The following ZBTB7A variants were observed in gnomAD, a reference collection of about 807,000 sequenced individuals.
The protein encoded by ZBTB7A is zinc finger and BTB domain-containing protein 7A.
In ZBTB7A, 7 loss-of-function variants were observed where a neutral mutation model predicts 26.7. That is an observed-to-expected ratio of 0.26 (90% CI 0.15 to 0.49). The LOEUF is 0.49. Ranked by LOEUF, ZBTB7A falls within the 20% of genes least tolerant of loss-of-function variation. The pLI, the probability that ZBTB7A is intolerant of heterozygous loss-of-function variation, is 0.98. For missense variants in ZBTB7A, 617 were observed against 919.5 expected, an observed-to-expected ratio of 0.67 and a Z score of 4.25; for synonymous variants, 452 against 441.0, an observed-to-expected ratio of 1.02 and a Z score of -0.31.
At chr19:4,056,601 G>C (rs1196968975) in intron 1 of ZBTB7A, among the ~76,000 whole-genome samples, 2 of 152,156 alleles carry the variant, frequency 1.3e-5, no homozygotes. Context: ...TGGGTGTGGT[G>C]GCTCACACCT....
Position 4,047,702 on chromosome 19 carries a change from T to G in ZBTB7A, c.*50A>C, listed in dbSNP as rs2144971426. The G allele has an allele frequency of 6.5e-7, 1 of 1,541,128 alleles. No individual in the cohort carries two copies. The highest frequency in any genetic ancestry group is 2.4e-5 in the East Asian group (1 of 42,042). On this transcript the variant is annotated 3_prime_UTR_variant, in exon 3 of 3. Coordinates refer to ENST00000322357, the MANE Select transcript of ZBTB7A (RefSeq NM_015898.4). ...GGGGGGTGGTGGGTGATTTTTTTTC[T>G]CTCTCTCTGTCTCTCTCTTTCTCGG...
At chr19:4,066,646 A>C (rs1413792989) in intron 1 of ZBTB7A, 36 bp downstream of exon 1, 4 of 150,856 alleles carry the variant, frequency 2.7e-5, no homozygotes, top group Non-Finnish European at 5.9e-5. Context: ...CCCGCCCTGC[A>C]CCCCGTGCCG....
chr19:4,049,542 C>G (rs1032143458), intron 2 of ZBTB7A, among the ~76,000 whole-genome samples: 1 of 152,104 alleles, frequency 6.6e-6, no homozygotes, highest in African/African-American at 2.4e-5. Flanking sequence ...CCTGCCCTCT[C>G]GAGGCTGGCG....
At chr19:4,063,935 T>G (rs775650995) in intron 1 of ZBTB7A, among the ~76,000 whole-genome samples, 1 of 152,142 alleles carries the variant, frequency 6.6e-6, no homozygotes, top group South Asian at 2.1e-4. Context: ...CCTCCTCATA[T>G]GGCAACGGGG....
At chr19:4,065,872 CCCCGGCGAGGGGAG>C (rs2040690948) in intron 1 of ZBTB7A, 1 of 143,794 alleles carries the variant, frequency 7.0e-6, no homozygotes, top group African/African-American at 2.5e-5. Flanking sequence ...CGCCACCGGC[CCCCGGCGAGGGGAG>C]CCCGGCTCCA....
intron 1 of ZBTB7A, among the ~76,000 whole-genome samples, chr19:4,056,757 C>T (rs988325254): frequency 2.0e-5 from 3 of 152,056 alleles, no homozygotes; most frequent in South Asian, 2.1e-4. Flanking sequence ...ATCCCAGCTA[C>T]TCGGGAGGCT....
At position 4,054,330 on chromosome 19, in the gene ZBTB7A, G is replaced by C. The variant is rs775895609; in HGVS notation, c.903C>G (p.Ala301=). ...CGGGCCCGTCCCCGTCCTCGCCCTCGGCCGCTCCCGACAGGAAGCCCGGAG... is the reference window on the plus strand; with the variant it reads ...CGGGCCCGTCCCCGTCCTCGCCCTCCGCCGCTCCCGACAGGAAGCCCGGAG... ...GDSPGFLSGA[A]EGEDGDGPDV... is the part of the protein sequence containing the mutation. Residue 301 remains alanine, a synonymous_variant, in exon 2 of 3, where the codon GCC becomes GCG. Coordinates refer to ENST00000322357, the MANE Select transcript of ZBTB7A (RefSeq NM_015898.4). 1.5e-5 allele frequency: 23 copies of C among 1,512,810 alleles called. No homozygotes were observed. The highest frequency in any genetic ancestry group is 2.4e-5 in the South Asian group (2 of 82,238). The allele number at this position is 1,512,810 out of a possible 1,614,324, so 93.7% of individuals were successfully genotyped here. A position where few individuals can be genotyped will look rare whatever the true frequency, so the allele number is the denominator to read the frequency against.
In ZBTB7A at chr19:4,043,847, C is replaced by G. The variant is rs1196888722; in HGVS notation, c.*3905G>C. Among the ~76,000 whole-genome samples the G allele has an allele frequency of 3.3e-5, 4 of 122,034 alleles. No homozygotes were observed. Among genetic ancestry groups the G allele is most frequent in the East Asian group, 2.4e-4 (1 of 4,120 alleles). 80.1% of individuals were successfully genotyped at this position (122,034 alleles called of 152,430 possible). On this transcript the variant is annotated 3_prime_UTR_variant, in exon 3 of 3. Transcript: ENST00000322357. ...CGTCCTGCGCCAGCCACCCACCACCCCCCCCCCCCCACCTCCAGGAAGGCT... is the reference window on the plus strand; with the variant it reads ...CGTCCTGCGCCAGCCACCCACCACCGCCCCCCCCCCACCTCCAGGAAGGCT...
chr19:4,047,708 T>C lies in ZBTB7A; in HGVS notation c.*44A>G. On this transcript the variant is annotated 3_prime_UTR_variant, in exon 3 of 3. Transcript: ENST00000322357. ...TGGTGGGTGATTTTTTTTCTCTCTC[T>C]CTGTCTCTCTCTTTCTCGGGTTTCT... is the stretch of plus-strand genomic sequence containing the variant. 1 of 1,564,760 alleles carries C rather than the reference T, an allele frequency of 6.4e-7. No individual in the cohort carries two copies. Among genetic ancestry groups the C allele is most frequent in the Non-Finnish European group, 8.6e-7 (1 of 1,159,022 alleles).
intron 2 of ZBTB7A, among the ~76,000 whole-genome samples, chr19:4,049,994 G>A (rs1360359614): frequency 1.3e-5 from 2 of 152,090 alleles, no homozygotes; most frequent in African/African-American, 2.4e-5. Flanking sequence ...TGTGGTCTCC[G>A]CTCACTGCAA....
At chr19:4,058,664 C>CTCCGAAGGCCTCT (rs1480367913) in intron 1 of ZBTB7A, among the ~76,000 whole-genome samples, 4 of 152,316 alleles carry the variant, frequency 2.6e-5, no homozygotes, top group African/African-American at 9.6e-5. Context: ...TCATGGCCTC[C>CTCCGAAGGCCTCT]TCCGGGCCAC....
In ZBTB7A at chr19:4,063,709, G is replaced by A. The variant is rs2040662542; in HGVS notation, c.-16+2973C>T. On this transcript the variant is annotated intron_variant, in intron 1 of 2. Coordinates refer to ENST00000322357, the MANE Select transcript of ZBTB7A (RefSeq NM_015898.4). ...AAAGACAGGTGGGCAGGCGCCCCTG[G>A]GCCACCACACAGTGGGAGGGGACTT... Among the ~76,000 whole-genome samples, 3 of 152,178 alleles carry A rather than the reference G, an allele frequency of 2.0e-5. No individual in the cohort carries two copies. The South Asian group carries it at 6.2e-4, about 31-fold the overall frequency.
chr19:4,058,094 C>T (rs1171178572), intron 1 of ZBTB7A, among the ~76,000 whole-genome samples: 3 of 152,208 alleles, frequency 2.0e-5, no homozygotes, highest in East Asian at 1.9e-4. Context: ...TCAAGGCCAC[C>T]GTGGGTGTGC....
intron 1 of ZBTB7A, among the ~76,000 whole-genome samples, chr19:4,061,180 A>G (rs2040634144): frequency 6.6e-6 from 1 of 152,190 alleles, no homozygotes; most frequent in African/African-American, 2.4e-5. Flanking sequence ...CCCCTCACGG[A>G]TGGGAACTTT....
intron 2 of ZBTB7A, among the ~76,000 whole-genome samples, chr19:4,050,107 TAG>T (rs1424333575): frequency 2.0e-5 from 3 of 152,182 alleles, no homozygotes; most frequent in Admixed American, 6.5e-5. Flanking sequence ...GTATTTTTAG[TAG>T]AGACGGGGTT....
At chr19:4,051,525 G>A (rs2040503994) in intron 2 of ZBTB7A, among the ~76,000 whole-genome samples, 1 of 152,122 alleles carries the variant, frequency 6.6e-6, no homozygotes, top group South Asian at 2.1e-4. Flanking sequence ...GAGGGTCAAG[G>A]CCTGGCCCTT....
chr19:4,056,962 G>C (rs2040585806), intron 1 of ZBTB7A, among the ~76,000 whole-genome samples: 1 of 150,330 alleles, frequency 6.7e-6, no homozygotes. Context: ...GGGAGGCGAA[G>C]GTTGTGGTGA....
chr19:4,047,892 T>C lies in ZBTB7A; in HGVS notation c.1615A>G (p.Lys539Glu). 6.3e-7 allele frequency: 1 copy of C among 1,585,412 alleles called. No individual in the cohort carries two copies. The highest frequency in any genetic ancestry group is 8.6e-7 in the Non-Finnish European group (1 of 1,167,530). The change falls in exon 3 of 3, where the codon AAG becomes GAG. Residue 539 changes from lysine (K) to glutamate (E), a missense_variant. Coordinates refer to ENST00000322357, the MANE Select transcript of ZBTB7A (RefSeq NM_015898.4). ...ARRNGQEKHF[K>E]DEDEDEDVAS... ...ACGTCCTCGTCCTCGTCCTCGTCCT[T>C]AAAGTGCTTCTCCTGGCCGTTGCGC...
In ZBTB7A at chr19:4,047,655, ATTTTCT is replaced by A; in HGVS notation, c.*91_*96del. The A allele has an allele frequency of 3.0e-6, 4 of 1,335,932 alleles. No homozygotes were observed. Among genetic ancestry groups the A allele is most frequent in the Non-Finnish European group, 3.0e-6 (3 of 991,844 alleles). 82.8% of individuals were successfully genotyped at this position (1,335,932 alleles called of 1,614,324 possible). On this transcript the variant is annotated 3_prime_UTR_variant, in exon 3 of 3. Coordinates refer to ENST00000322357, the MANE Select transcript of ZBTB7A (RefSeq NM_015898.4). ...GATATAGATATCTGTATATAGATAG[ATTTTCT>A]TTTTTTGTGTTTTTGGGGGGGTGGT...
Sources: gnomAD v4.1 joint callset for allele counts (sites outside exome capture counted in the v4.1 genomes callset) on GRCh38, gnomAD v4.1.1 for gene constraint, MANE v1.5 for transcripts, NCBI Gene and HGNC (gene_info 2026-07-23, HGNC 2026-07-21) for gene names.